RFX2: variants seen among roughly 807,000 people sequenced by gnomAD.
The protein encoded by RFX2 is regulatory factor X2.
A neutral mutation model predicts 87.8 loss-of-function variants in RFX2; 20 were observed. The ratio of observed to expected loss-of-function variants is 0.23; its 90% CI spans 0.16 to 0.33. RFX2 has a LOEUF of 0.33. Among genes scored for constraint, RFX2 ranks in the 10% least tolerant of loss-of-function variants. The probability of loss-of-function intolerance (pLI) is 1.00; values close to 1 mark genes in which losing one functional copy is unlikely to be tolerated. For missense variants in RFX2, 767 were observed against 1,012.3 expected, an observed-to-expected ratio of 0.76 and a Z score of 3.29; for synonymous variants, 397 against 431.3, an observed-to-expected ratio of 0.92 and a Z score of 0.98.
chr19:6,009,037 C>T (rs2086626637), intron 9 of RFX2, among the ~76,000 whole-genome samples: 1 of 152,104 alleles, frequency 6.6e-6, no homozygotes, highest in Non-Finnish European at 1.5e-5. Flanking sequence ...AGGATATTGT[C>T]ACCTCCCAGG....
intron 1 of RFX2, among the ~76,000 whole-genome samples, chr19:6,086,796 T>A (rs2087861772): frequency 1.3e-5 from 2 of 152,208 alleles, no homozygotes; most frequent in South Asian, 2.1e-4. Context: ...ATTTGTCTGT[T>A]CTGACCACAC....
intron 1 of RFX2, among the ~76,000 whole-genome samples, chr19:6,104,296 G>A (rs142838631): frequency 6.6e-6 from 1 of 152,196 alleles, no homozygotes; most frequent in East Asian, 1.9e-4. Flanking sequence ...TTGGCCGGGT[G>A]CGGTGGTTCA....
chr19:5,996,434 G>A (rs534296212), intron 16 of RFX2, among the ~76,000 whole-genome samples: 3 of 152,256 alleles, frequency 2.0e-5, no homozygotes, highest in Non-Finnish European at 4.4e-5. Flanking sequence ...GTCATGTTCC[G>A]TGACAGACGC....
intron 1 of RFX2, among the ~76,000 whole-genome samples, chr19:6,052,022 T>C (rs7246925): frequency 0.41 from 61,991 of 151,900 alleles, 15,909 homozygotes; most frequent in African/African-American, 0.73. Flanking sequence ...GGACTACAGG[T>C]GCCCGCCATC....
In RFX2 at chr19:6,013,155, A is replaced by C; in HGVS notation, c.780-50T>G. The C allele has an allele frequency of 6.6e-7, 1 of 1,517,910 alleles. No individual in the cohort carries two copies. The highest frequency in any genetic ancestry group is 8.8e-7 in the Non-Finnish European group (1 of 1,133,114). The allele number at this position is 1,517,910 out of a possible 1,614,324, so 94.0% of individuals were successfully genotyped here. On this transcript the variant is annotated intron_variant, in intron 7 of 17. Transcript: ENST00000303657. The surrounding 1 kb of genome is among the most constrained non-coding windows in gnomAD (Gnocchi z 4.1). ...AGCTCCCTTTGCAGATGTCCTGAAC[A>C]ACAAGACAGGTTGGGATTCTTTTTC...
rs558454207 is a variant in RFX2 at position 6,056,892 on chromosome 19, G to A, written c.-8-9388C>T. On this transcript the variant is annotated intron_variant, in intron 1 of 17. Transcript: ENST00000303657. This position sits in a 1 kb window ranked among gnomAD's most constrained non-coding sequence, Gnocchi z 4.6. The stretch of plus-strand genomic sequence containing the variant: ...ATATAAAGGGGAGGGGCCGCAACAC[G>A]ACCTGTCACCCAGCCTGGCCCTGCC... 1.3e-5 allele frequency among the ~76,000 whole-genome samples: 2 copies of A among 152,300 alleles called. No homozygotes were observed. Among genetic ancestry groups the A allele is most frequent in the South Asian group, 2.1e-4 (1 of 4,830 alleles).
Position 6,020,008 on chromosome 19 carries a change from G to A in RFX2, c.598-3737C>T, listed in dbSNP as rs770859035. On this transcript the variant is annotated intron_variant, in intron 6 of 17. Coordinates refer to ENST00000303657, the MANE Select transcript of RFX2 (RefSeq NM_000635.4). This position sits in a 1 kb window ranked among gnomAD's most constrained non-coding sequence, Gnocchi z 5.3. ...CAGAGGCTTCCCTTGGTCATTCTGA[G>A]GCTGGGGGCACAGGTGCCACTTCTT... 4 of 152,288 alleles carry A rather than the reference G, an allele frequency of 2.6e-5. No homozygotes were observed. Among genetic ancestry groups the A allele is most frequent in the Non-Finnish European group, 5.9e-5 (4 of 68,110 alleles). The allele number at this position is 152,288 out of a possible 1,614,324, so 9.4% of individuals were successfully genotyped here. A position where few individuals can be genotyped will look rare whatever the true frequency, so the allele number is the denominator to read the frequency against.
At chr19:6,052,297 A>C (rs1407240706) in intron 1 of RFX2, among the ~76,000 whole-genome samples, 1 of 152,244 alleles carries the variant, frequency 6.6e-6, no homozygotes, top group Non-Finnish European at 1.5e-5. Context: ...TACTGCAGAT[A>C]AAATTTCATC....
chr19:6,055,534 C>T (rs1422291782), intron 1 of RFX2, among the ~76,000 whole-genome samples: 4 of 152,120 alleles, frequency 2.6e-5, no homozygotes, highest in Non-Finnish European at 5.9e-5. Flanking sequence ...AGCGATTCTC[C>T]CACTTCAGCC....
At position 6,026,447 on chromosome 19, in the gene RFX2, C is replaced by G; in HGVS notation, c.523-210G>C. 1 of 591,754 alleles carries G rather than the reference C, an allele frequency of 1.7e-6. No individual in the cohort carries two copies. Among genetic ancestry groups the G allele is most frequent in the East Asian group, 2.8e-5 (1 of 35,476 alleles). 36.7% of individuals were successfully genotyped at this position (591,754 alleles called of 1,614,324 possible). A position where few individuals can be genotyped will look rare whatever the true frequency, so the allele number is the denominator to read the frequency against. ...GCGGTAGGGAGTGTTGCTTCGCACA[C>G]GTAGGTAAGCCCGAGAGCCCGTCCA... is the stretch of plus-strand genomic sequence containing the variant. On this transcript the variant is annotated intron_variant, in intron 5 of 17. Transcript: ENST00000303657. The surrounding 1 kb of genome is among the most constrained non-coding windows in gnomAD (Gnocchi z 4.5).
rs2087652590 is a variant in RFX2, at chr19:6,074,251, G to A, written c.-8-26747C>T. Reference sequence around the variant, plus strand: ...TGGAGCTTGTGGCAGGAGTTCAGGTGGAACATCAGGCGGGGTACAGATGCC... The same window carrying A: ...TGGAGCTTGTGGCAGGAGTTCAGGTAGAACATCAGGCGGGGTACAGATGCC... On this transcript the variant is annotated intron_variant, in intron 1 of 17. Transcript: ENST00000303657. This position sits in a 1 kb window ranked among gnomAD's most constrained non-coding sequence, Gnocchi z 5.2. Among the ~76,000 whole-genome samples the A allele has an allele frequency of 1.3e-5, 2 of 152,204 alleles. No homozygotes were observed. Among genetic ancestry groups the A allele is most frequent in the South Asian group, 2.1e-4 (1 of 4,828 alleles).
chr19:6,097,121 G>A (rs1465429949), intron 1 of RFX2, among the ~76,000 whole-genome samples: 1 of 152,210 alleles, frequency 6.6e-6, no homozygotes, highest in Non-Finnish European at 1.5e-5. Context: ...GTTAGTGGGG[G>A]TGAAGCAGAG....
chr19:6,096,809 G>A (rs753312385), intron 1 of RFX2, among the ~76,000 whole-genome samples: 1 of 152,060 alleles, frequency 6.6e-6, no homozygotes, highest in Admixed American at 6.6e-5. Context: ...TTAATTCAAC[G>A]CACTCCTGGT....
At position 6,004,235 on chromosome 19, in the gene RFX2, A is replaced by G. The variant is rs1030143794; in HGVS notation, c.1466T>C (p.Met489Thr). ...KSLEGWLTNA[M>T]SDFPQQVIQT... is the part of the protein sequence containing the mutation. The stretch of plus-strand genomic sequence containing the variant: ...GATGACCTGTTGTGGGAAGTCACTC[A>G]TGGCATTTGTCAACCAGCCTTCCAA... The change falls in exon 13 of 18, where the codon ATG becomes ACG. Residue 489 changes from methionine (M) to threonine (T), a missense_variant. Coordinates refer to ENST00000303657, the MANE Select transcript of RFX2 (RefSeq NM_000635.4). The surrounding 1 kb of genome is among the most constrained non-coding windows in gnomAD (Gnocchi z 4.8). 3.1e-6 allele frequency: 5 copies of G among 1,613,682 alleles called. No individual in the cohort carries two copies. The highest frequency in any genetic ancestry group is 1.1e-5 in the South Asian group (1 of 91,064).
chr19:6,002,518 C>A lies in RFX2; in HGVS notation c.1650+203G>T, dbSNP rs138847213. Among the ~76,000 whole-genome samples the A allele has an allele frequency of 1.2e-4, 19 of 152,276 alleles. No individual in the cohort carries two copies. The highest frequency in any genetic ancestry group is 3.4e-3 in the Middle Eastern group (1 of 294). ...AGAAGTGTTGGCCACAGCGCCTGGACGCCAGAGGGCCCTGAGAGATGATGG... is the reference window on the plus strand; with the variant it reads ...AGAAGTGTTGGCCACAGCGCCTGGAAGCCAGAGGGCCCTGAGAGATGATGG... On this transcript the variant is annotated intron_variant, in intron 14 of 17. Transcript: ENST00000303657. This position sits in a 1 kb window ranked among gnomAD's most constrained non-coding sequence, Gnocchi z 6.7.
rs575994069 is a variant in RFX2, at chr19:6,033,835, T to A, written c.522+6145A>T. ...CCACAAAGGGAACTCTATGAAGTTT[T>A]AAAAAAAAGTGGTGATAAATATCAT... On this transcript the variant is annotated intron_variant, in intron 5 of 17. Transcript: ENST00000303657. Among the ~76,000 whole-genome samples, 25 of 151,904 alleles carry A rather than the reference T, an allele frequency of 1.6e-4. No homozygotes were observed. In the East Asian group the frequency reaches 4.4e-3, roughly 27 times the overall value.
rs140937075 is a variant in RFX2 at position 6,002,726 on chromosome 19, C to T, written c.1645G>A (p.Val549Met). The change falls in exon 14 of 18, where the codon GTG (valine) becomes ATG (methionine). Residue 549 changes from valine (V) to methionine (M), a missense_variant. By Grantham distance (21) the Val-to-Met change is conservative (BLOSUM62 1). Around this residue, in one of 2 missense-constraint regions of RFX2, gnomAD observed 621 missense variants for 873.0 expected, o/e 0.71. Transcript: ENST00000303657. The surrounding 1 kb of genome is among the most constrained non-coding windows in gnomAD (Gnocchi z 6.7). ...SDLNRVDFAN[V>M]QEQASWVCQC... is the part of the protein sequence containing the mutation. ...GACGGTGTGGAGGAAGTCACCTGCA[C>T]GTTGGCAAAGTCCACGCGGTTGAGG... 6.8e-5 allele frequency: 110 copies of T among 1,613,420 alleles called. 1 individual carries two copies. Among genetic ancestry groups the T allele is most frequent in the Non-Finnish European group, 8.6e-5 (102 of 1,179,928 alleles).
At chr19:6,082,293 C>CAAA (rs34361456) in intron 1 of RFX2, among the ~76,000 whole-genome samples, 38 of 99,896 alleles carry the variant, frequency 3.8e-4, no homozygotes, top group African/African-American at 1.3e-3. Context: ...GACCCTGTCT[C>CAAA]AAAAAAAAAA....
chr19:6,103,798 G>A (rs765380432), intron 1 of RFX2, among the ~76,000 whole-genome samples: 6 of 152,076 alleles, frequency 3.9e-5, no homozygotes, highest in South Asian at 2.1e-4. Flanking sequence ...GCATGAGGCC[G>A]ACCACTCAGT....
Sources: gnomAD v4.1 joint callset for allele counts (sites outside exome capture counted in the v4.1 genomes callset) on GRCh38, gnomAD v4.1.1 for gene constraint, gnomAD v4.1.1 regional missense constraint, Gnocchi (gnomAD v3.1) non-coding constraint, MANE v1.5 for transcripts, NCBI Gene and HGNC (gene_info 2026-07-23, HGNC 2026-07-21) for gene names.